The following GALNT17 variants were observed in gnomAD, a reference collection of about 807,000 sequenced individuals.
The protein encoded by GALNT17 is polypeptide N-acetylgalactosaminyltransferase 17.
GALNT17 carries 29 observed loss-of-function variants against 63.7 expected under a neutral mutation model. That is an observed-to-expected ratio of 0.46 (90% CI 0.34 to 0.62). The LOEUF (loss-of-function observed/expected upper bound fraction) is 0.62. Ranked by LOEUF, GALNT17 falls within the 20% of genes least tolerant of loss-of-function variation. The probability of loss-of-function intolerance (pLI) is 0.01; values close to 1 mark genes in which losing one functional copy is unlikely to be tolerated. For synonymous variants in GALNT17, 305 were observed against 318.3 expected (o/e 0.96, Z 0.45); for missense variants, 603 against 799.6 (o/e 0.75, Z 2.97).
intron 1 of GALNT17, among the ~76,000 whole-genome samples, chr7:71,236,065 C>T (rs1449017732): frequency 6.6e-6 from 1 of 152,064 alleles, no homozygotes. Context: ...CCTGTAATCC[C>T]AGCTACTTGG....
intron 8 of GALNT17, among the ~76,000 whole-genome samples, chr7:71,671,103 T>C (rs1022429318): frequency 4.6e-5 from 7 of 152,132 alleles, no homozygotes; most frequent in Non-Finnish European, 2.9e-5. Flanking sequence ...TAAGCTGGGC[T>C]TTGCTTGAGA....
At chr7:71,538,416 A>G (rs879363841) in intron 5 of GALNT17, among the ~76,000 whole-genome samples, 1 of 152,148 alleles carries the variant, frequency 6.6e-6, no homozygotes, top group African/African-American at 2.4e-5. Context: ...TTCAGCAAGA[A>G]TGAGGGCACG....
Position 71,442,852 on chromosome 7 carries a change from C to A in GALNT17, c.962+21747C>A, listed in dbSNP as rs1406841093. Among the ~76,000 whole-genome samples the A allele has an allele frequency of 2.6e-5, 4 of 152,192 alleles. No individual in the cohort carries two copies. The East Asian group carries it at 7.7e-4, about 29-fold the overall frequency. ...TGTGAGACCCGGGAGAGCTGGCCTG[C>A]ATGGGAGGTCCTTTATACACTTGGT... On this transcript the variant is annotated intron_variant, in intron 5 of 10. Transcript: ENST00000333538.
intron 2 of GALNT17, among the ~76,000 whole-genome samples, chr7:71,353,049 G>T (rs915117165): frequency 1.3e-5 from 2 of 151,840 alleles, no homozygotes; most frequent in Non-Finnish European, 2.9e-5. Flanking sequence ...GAATTTTATT[G>T]TGAAAGGGAG....
In GALNT17 at chr7:71,642,003, C is replaced by T. The variant is rs115225361; in HGVS notation, c.1081-23408C>T. On this transcript the variant is annotated intron_variant, in intron 6 of 10. Coordinates refer to ENST00000333538, the MANE Select transcript of GALNT17 (RefSeq NM_022479.3). ...ATTTCGGCTGGAGGTTACAATGCAG[C>T]TGAGAGGCCCCATTGAAGCTGATCT... Among the ~76,000 whole-genome samples, 1,422 of 152,262 alleles carry T rather than the reference C, an allele frequency of 9.3e-3. 24 individuals carry two copies. Among genetic ancestry groups the T allele is most frequent in the African/African-American group, 0.03 (1,254 of 41,564 alleles).
chr7:71,211,736 T>C (rs1212578242), intron 1 of GALNT17, among the ~76,000 whole-genome samples: 2 of 152,158 alleles, frequency 1.3e-5, no homozygotes, highest in Non-Finnish European at 2.9e-5. Context: ...ACTTGGGAAC[T>C]GGAGTAAAGG....
chr7:71,611,407 C>T (rs761631021), intron 6 of GALNT17, among the ~76,000 whole-genome samples: 3 of 152,156 alleles, frequency 2.0e-5, no homozygotes, highest in Non-Finnish European at 2.9e-5. Context: ...CATCCTGGGA[C>T]TCTTCCTCTG....
chr7:71,580,045 G>A (rs1030924646), intron 6 of GALNT17, among the ~76,000 whole-genome samples: 2 of 151,612 alleles, frequency 1.3e-5, no homozygotes, highest in Admixed American at 1.3e-4. Context: ...TGGATAGATA[G>A]AGATGATGGA....
intron 6 of GALNT17, among the ~76,000 whole-genome samples, chr7:71,598,887 G>C (rs767922053): frequency 6.6e-6 from 1 of 152,060 alleles, no homozygotes; most frequent in African/African-American, 2.4e-5. Context: ...GGTGGGTGGT[G>C]GGGGTGGTGT....
chr7:71,161,009 A>ATTT (rs113875313), intron 1 of GALNT17, among the ~76,000 whole-genome samples: 7 of 149,816 alleles, frequency 4.7e-5, no homozygotes, highest in Non-Finnish European at 5.9e-5. Flanking sequence ...AATTAAAACA[A>ATTT]TTTTTTTTTT....
intron 1 of GALNT17, among the ~76,000 whole-genome samples, chr7:71,200,259 G>A (rs1016355032): frequency 4.6e-5 from 7 of 152,142 alleles, no homozygotes; most frequent in Non-Finnish European, 8.8e-5. Flanking sequence ...TCTGGCCCGT[G>A]GCTTCGTGCA....
intron 6 of GALNT17, among the ~76,000 whole-genome samples, chr7:71,576,928 T>C (rs1328908215): frequency 6.6e-6 from 1 of 152,134 alleles, no homozygotes; most frequent in Admixed American, 6.6e-5. Flanking sequence ...TTCATCACAG[T>C]GCTATTCGCA....
intron 1 of GALNT17, among the ~76,000 whole-genome samples, chr7:71,209,370 A>AT (rs1257013608): frequency 1.3e-5 from 2 of 152,182 alleles, no homozygotes; most frequent in Non-Finnish European, 2.9e-5. Context: ...GGCTCACATA[A>AT]TCTTCACAAA....
chr7:71,345,835 A>G (rs1792081375), intron 2 of GALNT17, among the ~76,000 whole-genome samples: 1 of 152,050 alleles, frequency 6.6e-6, no homozygotes, highest in Admixed American at 6.6e-5. Context: ...CTAACAATAG[A>G]TACCCTGTGT....
intron 1 of GALNT17, among the ~76,000 whole-genome samples, chr7:71,277,019 G>T (rs145859850): frequency 0.012 from 1,797 of 152,010 alleles, 11 homozygotes; most frequent in Middle Eastern, 0.037. Flanking sequence ...AATAAATAAA[G>T]AAATAAATTA....
At position 71,390,177 on chromosome 7, in the gene GALNT17, G is replaced by T. The variant is rs796686668; in HGVS notation, c.589+1776G>T. Among the ~76,000 whole-genome samples, 22 of 152,328 alleles carry T rather than the reference G, an allele frequency of 1.4e-4. 1 individual carries two copies. Among genetic ancestry groups the T allele is most frequent in the African/African-American group, 5.3e-4 (22 of 41,568 alleles). On this transcript the variant is annotated intron_variant, in intron 3 of 10. Coordinates refer to ENST00000333538, the MANE Select transcript of GALNT17 (RefSeq NM_022479.3). ...AGGCTAAACCCCTTCCTTTCATCGT[G>T]CTGGGTAGGAGAGGGATTACCCTGC...
At chr7:71,366,547 C>A (rs770074497) in intron 2 of GALNT17, among the ~76,000 whole-genome samples, 1 of 152,002 alleles carries the variant, frequency 6.6e-6, no homozygotes, top group East Asian at 1.9e-4. Context: ...TGCCATTGCA[C>A]TCCAGCCTGG....
At chr7:71,436,622 G>A (rs1786968192) in intron 5 of GALNT17, among the ~76,000 whole-genome samples, 1 of 151,922 alleles carries the variant, frequency 6.6e-6, no homozygotes. Context: ...AGGAGGCTAA[G>A]GCAGGAGAAT....
intron 1 of GALNT17, among the ~76,000 whole-genome samples, chr7:71,257,786 A>G (rs1250433360): frequency 6.6e-6 from 1 of 152,124 alleles, no homozygotes; most frequent in African/African-American, 2.4e-5. Flanking sequence ...GGATCCCGTG[A>G]TGAGTTTTAG....
Sources: allele counts gnomAD v4.1 joint callset (sites outside exome capture counted in the v4.1 genomes callset), GRCh38; gene constraint gnomAD v4.1.1; transcripts MANE v1.5; gene names NCBI Gene and HGNC (gene_info 2026-07-23, HGNC 2026-07-21).